Variants in MIS18BP1 observed in about 807,000 individuals in gnomAD.
MIS18BP1 encodes mis18-binding protein 1.
A neutral mutation model predicts 116.1 loss-of-function variants in MIS18BP1; 72 were observed. The observed-to-expected ratio is 0.62, with a 90% confidence interval of 0.51 to 0.75. The LOEUF (loss-of-function observed/expected upper bound fraction) is 0.75, where lower values mean the gene tolerates loss of function less well. Ranked by LOEUF, MIS18BP1 falls within the 30% of genes least tolerant of loss-of-function variation. MIS18BP1 has a pLI of 0.00. For synonymous variants in MIS18BP1, 386 were observed against 427.0 expected, an observed-to-expected ratio of 0.90 and a Z score of 1.18; for missense variants, 1,363 against 1,303.2, an observed-to-expected ratio of 1.05 and a Z score of -0.71.
rs146183404 is a variant in MIS18BP1, at chr14:45,230,495, T to C, written c.1594+646A>G. On this transcript the variant is annotated intron_variant, in intron 8 of 16. Transcript: ENST00000310806. ...TTAGTACAAAAATAATATATGTCTTTACAACAGGTTTGCGGTAGGTTGGCA... is the reference window on the plus strand; with the variant it reads ...TTAGTACAAAAATAATATATGTCTTCACAACAGGTTTGCGGTAGGTTGGCA... Among the ~76,000 whole-genome samples, 1,207 of 152,340 alleles carry C rather than the reference T, an allele frequency of 7.9e-3. 5 individuals carry two copies. The highest frequency in any genetic ancestry group is 0.011 in the Non-Finnish European group (777 of 68,040).
At chr14:45,248,661 C>A (rs1057374045) in intron 1 of MIS18BP1, among the ~76,000 whole-genome samples, 6 of 151,702 alleles carry the variant, frequency 4.0e-5, no homozygotes, top group African/African-American at 7.3e-5. Flanking sequence ...GAGAAATAAG[C>A]AATTAATATA....
chr14:45,238,501 T>C (rs1283739428), intron 4 of MIS18BP1, among the ~76,000 whole-genome samples: 1 of 152,178 alleles, frequency 6.6e-6, no homozygotes, highest in African/African-American at 2.4e-5. Flanking sequence ...GGACAGTCTT[T>C]GTTATGGCAC....
In MIS18BP1 at chr14:45,235,873, A is replaced by G. The variant is rs772386790; in HGVS notation, c.1289T>C (p.Ile430Thr). The G allele has an allele frequency of 2.5e-6, 4 of 1,611,234 alleles. No homozygotes were observed. Among genetic ancestry groups the G allele is most frequent in the Admixed American group, 1.7e-5 (1 of 59,720 alleles). The change falls in exon 6 of 17, where the codon ATA becomes ACA. Residue 430 changes from isoleucine (I) to threonine (T), a missense_variant. Coordinates refer to ENST00000310806, the MANE Select transcript of MIS18BP1 (RefSeq NM_018353.5). ...ERIEHNKLRT[I>T]SGNVYILKGM... ...TTTTAATATATAAACGTTGCCTGATATAGTCCTAAGTTTGTTGTGCTCAAT... is the reference window on the plus strand; with the variant it reads ...TTTTAATATATAAACGTTGCCTGATGTAGTCCTAAGTTTGTTGTGCTCAAT...
At chr14:45,227,928 G>GAGTGCTGGGATTA in intron 8 of MIS18BP1, 114 bp from the exon 9 acceptor site, 3 of 1,070,804 alleles carry the variant, frequency 2.8e-6, no homozygotes, top group South Asian at 1.5e-5. Context: ...TGTAATCCCA[G>GAGTGCTGGGATTA]CACTCTGGGA....
intron 6 of MIS18BP1, 87 bp downstream of exon 6, chr14:45,235,725 TAA>T: frequency 8.8e-7 from 1 of 1,132,132 alleles, no homozygotes; most frequent in Middle Eastern, 2.8e-4. Flanking sequence ...AATACCTAAT[TAA>T]AAGTTAAAAA....
At chr14:45,252,767 T>TAAAAAAAAAAAAAAAA (rs35727165) in intron 1 of MIS18BP1, among the ~76,000 whole-genome samples, 1 of 135,590 alleles carries the variant, frequency 7.4e-6, no homozygotes, top group African/African-American at 2.6e-5. Flanking sequence ...CTTGGTATTC[T>TAAAAAAAAAAAAAAAA]AAAAAAAAAA....
chr14:45,244,275 G>A (rs1008075166), intron 2 of MIS18BP1, among the ~76,000 whole-genome samples: 5 of 152,148 alleles, frequency 3.3e-5, no homozygotes, highest in Non-Finnish European at 7.4e-5. Flanking sequence ...CCATGTGTTC[G>A]TTGAAAGGAT....
rs764362042 is a variant in MIS18BP1, at chr14:45,246,813, C to T, written c.474G>A (p.Leu158=). Residue 158 remains leucine (L), a synonymous_variant, in exon 2 of 17, where the codon TTG becomes TTA. Transcript: ENST00000310806. ...TTTCTTCACATAGGTAGGTATGCTG[C>T]AATTTTTTTTTTTCAACTCTGTTAG... is the stretch of plus-strand genomic sequence containing the variant. ...FTPNRVEKKK[L]QHTYLCEEKE... 6.3e-6 allele frequency: 10 copies of T among 1,591,884 alleles called. No homozygotes were observed. In the African/African-American group the frequency reaches 6.8e-5, roughly 11 times the overall value.
chr14:45,238,992 G>C (rs1331437233), intron 4 of MIS18BP1, among the ~76,000 whole-genome samples: 1 of 152,040 alleles, frequency 6.6e-6, no homozygotes, highest in Non-Finnish European at 1.5e-5. Flanking sequence ...GTAGGACTTG[G>C]GGAAGTAACA....
chr14:45,242,510 T>C lies in MIS18BP1; in HGVS notation c.667A>G (p.Thr223Ala). 1 of 1,575,586 alleles carries C rather than the reference T, an allele frequency of 6.3e-7. No individual in the cohort carries two copies. Among genetic ancestry groups the C allele is most frequent in the South Asian group, 1.2e-5 (1 of 84,662 alleles). Residue 223 changes from threonine (T) to alanine (A), a missense_variant, in exon 4 of 17, where the codon ACT (threonine) becomes GCT (alanine). Coordinates refer to ENST00000310806, the MANE Select transcript of MIS18BP1 (RefSeq NM_018353.5). ...PLHNLTYELP[T>A]LNQEQENFLA... ...AAATTTTCCTGTTCTTGGTTCAGAG[T>C]TGGAAGTTCTGCAAAAAATACAAAA...
chr14:45,223,118 C>G lies in MIS18BP1; in HGVS notation c.2669+800G>C, dbSNP rs139571596. The stretch of plus-strand genomic sequence containing the variant: ...AAACAAAAACAAACCAAACCAAACA[C>G]TGGGGATTTCCTCTACTGTTTCTGA... On this transcript the variant is annotated intron_variant, in intron 11 of 16. Coordinates refer to ENST00000310806, the MANE Select transcript of MIS18BP1 (RefSeq NM_018353.5). Among the ~76,000 whole-genome samples the G allele has an allele frequency of 2.9e-3, 448 of 152,276 alleles. 1 individual carries two copies. Among genetic ancestry groups the G allele is most frequent in the African/African-American group, 0.01 (429 of 41,546 alleles).
intron 11 of MIS18BP1, among the ~76,000 whole-genome samples, chr14:45,219,271 T>C (rs570650873): frequency 8.5e-5 from 13 of 152,236 alleles, no homozygotes; most frequent in South Asian, 2.1e-4. Flanking sequence ...TTAATAGATA[T>C]AGGTTTCATG....
At chr14:45,217,440 G>T (rs1339149931) in intron 12 of MIS18BP1, among the ~76,000 whole-genome samples, 2 of 152,048 alleles carry the variant, frequency 1.3e-5, no homozygotes, top group South Asian at 2.1e-4. Context: ...TACAGATATA[G>T]ATAAAGCAAA....
chr14:45,204,894 T>C (rs1327357181), intron 15 of MIS18BP1, among the ~76,000 whole-genome samples: 1 of 152,062 alleles, frequency 6.6e-6, no homozygotes, highest in African/African-American at 2.4e-5. Flanking sequence ...AGAATACTAA[T>C]TACTGTATTA....
chr14:45,235,817 C>T lies in MIS18BP1; in HGVS notation c.1345G>A (p.Ala449Thr). The change falls in exon 6 of 17, where the codon GCA (alanine) becomes ACA (threonine). Residue 449 changes from alanine (A) to threonine (T), a missense_variant. Transcript: ENST00000310806. ...GMIDQISMKE[A>T]GYPNYLIRKF... ...ATCAATAATGACAGTCATTTACCTG[C>T]TTCTTTCATGGAAATTTGGTCTATC... is the stretch of plus-strand genomic sequence containing the variant. 2 of 1,595,786 alleles carry T rather than the reference C, an allele frequency of 1.3e-6. No homozygotes were observed. The highest frequency in any genetic ancestry group is 1.7e-6 in the Non-Finnish European group (2 of 1,173,876).
chr14:45,242,851 C>T lies in MIS18BP1; in HGVS notation c.568G>A (p.Glu190Lys), dbSNP rs540947530. Reference protein sequence around the residue: ...LRASVQGVPLESSNNDIFLPV... With the variant: ...LRASVQGVPLKSSNNDIFLPV... ...AGGAAAATATCATTATTTGATGATT[C>T]TAGAGGAACTCCTTGGACTGAGGCT... The change falls in exon 3 of 17, where the codon GAA becomes AAA. Residue 190 changes from glutamate to lysine, a missense_variant. Glu to Lys is a moderately conservative substitution (Grantham distance 56, BLOSUM62 1). Transcript: ENST00000310806. 3.1e-6 allele frequency: 5 copies of T among 1,611,208 alleles called. No homozygotes were observed. Among genetic ancestry groups the T allele is most frequent in the Non-Finnish European group, 4.2e-6 (5 of 1,178,398 alleles).
In MIS18BP1 at chr14:45,246,860, C is replaced by G. The variant is rs370199333; in HGVS notation, c.427G>C (p.Gly143Arg). Residue 143 changes from glycine (G) to arginine (R), a missense_variant, in exon 2 of 17, where the codon GGA becomes CGA. Physicochemically the swap from Gly to Arg is moderately radical, Grantham distance 125. Transcript: ENST00000310806. ...TTAGGAGTGAAGGTTTCATTATTTC[C>G]ACTTTTCTGTGGTTCCAACAAACTA... ...NSSLLEPQKS[G>R]NNETFTPNRV... 1.2e-5 allele frequency: 20 copies of G among 1,610,842 alleles called. No homozygotes were observed. The highest frequency in any genetic ancestry group is 3.3e-4 in the Middle Eastern group (2 of 6,048).
At chr14:45,235,693 TTTGA>T (rs1891409213) in intron 6 of MIS18BP1, 117 bp downstream of exon 6, 1 of 789,488 alleles carries the variant, frequency 1.3e-6, no homozygotes, top group Non-Finnish European at 1.8e-6. Context: ...TATCAGTTGT[TTTGA>T]TTTATTCATA....
intron 3 of MIS18BP1, 51 bp from the exon 4 acceptor site, chr14:45,242,569 A>C: frequency 6.6e-7 from 1 of 1,526,618 alleles, no homozygotes; most frequent in Non-Finnish European, 8.7e-7. Context: ...GAAGGATCAC[A>C]GGAAATTAAA....
Sources: gnomAD v4.1 joint callset for allele counts (sites outside exome capture counted in the v4.1 genomes callset) on GRCh38, gnomAD v4.1.1 for gene constraint, MANE v1.5 for transcripts, NCBI Gene and HGNC (gene_info 2026-07-23, HGNC 2026-07-21) for gene names.